CLNK: variants seen among roughly 807,000 people sequenced by gnomAD.
CLNK encodes cytokine dependent hematopoietic cell linker.
In CLNK, 74 loss-of-function variants were observed where a neutral mutation model predicts 68.6. The observed-to-expected ratio is 1.08, with a 90% CI of 0.89 to 1.31. The LOEUF (loss-of-function observed/expected upper bound fraction) is 1.31. Ranked by LOEUF, CLNK falls within the 50% of genes most tolerant of loss-of-function variation. CLNK has a pLI of 0.00. For synonymous variants in CLNK, 198 were observed against 172.2 expected (o/e 1.15, Z -1.17); for missense variants, 553 against 515.3 (o/e 1.07, Z -0.71).
intron 1 of CLNK, among the ~76,000 whole-genome samples, chr4:10,670,737 T>C (rs1724594342): frequency 6.6e-6 from 1 of 152,212 alleles, no homozygotes; most frequent in African/African-American, 2.4e-5. Context: ...CCATCAATAT[T>C]TGGTGACAAA....
At chr4:10,580,373 T>C (rs1253021487) in intron 4 of CLNK, among the ~76,000 whole-genome samples, 1 of 152,210 alleles carries the variant, frequency 6.6e-6, no homozygotes, top group African/African-American at 2.4e-5. Flanking sequence ...TCATACTTTT[T>C]ATTGTTATTT....
chr4:10,592,390 T>A lies in CLNK; in HGVS notation c.83+5588A>T, dbSNP rs564528456. ...GATGATTTGCCAGACATGTTTTAGC[T>A]CAGACATTCCTCTAGCGGGCAGAGC... On this transcript the variant is annotated intron_variant, in intron 3 of 18. Transcript: ENST00000226951. 4.6e-5 allele frequency among the ~76,000 whole-genome samples: 7 copies of A among 152,280 alleles called. No homozygotes were observed. The East Asian group carries it at 1.4e-3, about 29-fold the overall frequency.
At chr4:10,541,472 A>T (rs1168320197) in intron 10 of CLNK, among the ~76,000 whole-genome samples, 5 of 152,098 alleles carry the variant, frequency 3.3e-5, no homozygotes, top group Admixed American at 3.3e-4. Context: ...AGGTGCTCAC[A>T]GGTCCCAGAT....
chr4:10,631,656 T>C (rs764825261), intron 2 of CLNK, among the ~76,000 whole-genome samples: 64 of 152,184 alleles, frequency 4.2e-4, no homozygotes, highest in Admixed American at 2.6e-4. Flanking sequence ...CTAATATTAA[T>C]TCATTCTAGC....
intron 15 of CLNK, among the ~76,000 whole-genome samples, chr4:10,514,009 T>TC (rs1717724267): frequency 1.3e-5 from 1 of 75,976 alleles, no homozygotes; most frequent in Admixed American, 1.8e-4. Context: ...CCCTCCCCCC[T>TC]CCCCCCTCCC....
chr4:10,651,686 C>T (rs1005790254), intron 2 of CLNK, among the ~76,000 whole-genome samples: 4 of 152,034 alleles, frequency 2.6e-5, no homozygotes, highest in African/African-American at 9.7e-5. Context: ...CTGTTTGAAA[C>T]ATTAATAATA....
chr4:10,507,904 A>G, intron 17 of CLNK, 55 bp downstream of exon 17: 2 of 1,306,146 alleles, frequency 1.5e-6, no homozygotes, highest in Non-Finnish European at 2.2e-6. Flanking sequence ...ACATAAGCAG[A>G]GAACCTTAAG....
the CLNK span, among the ~76,000 whole-genome samples, chr4:10,719,402 A>G: frequency 1.3e-5 from 2 of 152,066 alleles, no homozygotes; most frequent in African/African-American, 2.4e-5. Flanking sequence ...TAATCAAAAG[A>G]AAGAGTGACT....
chr4:10,522,693 G>A (rs1233327576), intron 14 of CLNK, among the ~76,000 whole-genome samples: 1 of 152,130 alleles, frequency 6.6e-6, no homozygotes, highest in Non-Finnish European at 1.5e-5. Context: ...AAGAAGACAT[G>A]GCCTCTGCCT....
At chr4:10,497,732 A>T (rs1716870236) in intron 18 of CLNK, among the ~76,000 whole-genome samples, 1 of 152,240 alleles carries the variant, frequency 6.6e-6, no homozygotes. Context: ...CCTTGCCAGT[A>T]AATGATGTTC....
chr4:10,714,236 A>G, the CLNK span, among the ~76,000 whole-genome samples: 2 of 152,238 alleles, frequency 1.3e-5, no homozygotes, highest in Non-Finnish European at 2.9e-5. Context: ...AGTAACAAAC[A>G]TTTTACACAG....
intron 3 of CLNK, among the ~76,000 whole-genome samples, chr4:10,592,341 T>C (rs780379807): frequency 1.4e-4 from 21 of 152,182 alleles, no homozygotes; most frequent in Non-Finnish European, 2.5e-4. Context: ...TGATGGGTTC[T>C]GCAGCAGACA....
chr4:10,613,359 A>C (rs2041213), intron 2 of CLNK, among the ~76,000 whole-genome samples: 105,558 of 151,956 alleles, frequency 0.69, 37,553 homozygotes, highest in East Asian at 0.77. Flanking sequence ...GGGATAACTG[A>C]AGGAAAAGTT....
At chr4:10,491,663 G>T (rs1352393453) in intron 18 of CLNK, among the ~76,000 whole-genome samples, 1 of 152,136 alleles carries the variant, frequency 6.6e-6, no homozygotes, top group Non-Finnish European at 1.5e-5. Context: ...CTATGTTATG[G>T]GTCATTCCAG....
intron 11 of CLNK, among the ~76,000 whole-genome samples, chr4:10,538,399 G>T (rs1395288980): frequency 6.6e-6 from 1 of 152,190 alleles, no homozygotes; most frequent in East Asian, 1.9e-4. Flanking sequence ...AAAGTGTTAG[G>T]ATTAGAGGCG....
chr4:10,659,343 T>C (rs1477312476), intron 2 of CLNK, among the ~76,000 whole-genome samples: 3 of 152,358 alleles, frequency 2.0e-5, no homozygotes, highest in East Asian at 1.9e-4. Context: ...CTGTATACAT[T>C]AAGTCGCTTA....
At chr4:10,652,546 G>C (rs1560263391) in intron 2 of CLNK, among the ~76,000 whole-genome samples, 2 of 152,058 alleles carry the variant, frequency 1.3e-5, no homozygotes, top group Admixed American at 6.6e-5. Flanking sequence ...AAGCTTGCTT[G>C]GTTATTATAT....
intron 17 of CLNK, among the ~76,000 whole-genome samples, chr4:10,505,866 G>T: frequency 1.3e-5 from 2 of 152,148 alleles, no homozygotes; most frequent in South Asian, 2.1e-4. Flanking sequence ...AACATCTTTG[G>T]GGGGGCATGA....
chr4:10,716,663 A>G, the CLNK span, among the ~76,000 whole-genome samples: 3 of 149,786 alleles, frequency 2.0e-5, no homozygotes, highest in Non-Finnish European at 4.4e-5. Context: ...AATAGGAAAG[A>G]GGCAGGCTGG....
Sources: allele counts gnomAD v4.1 joint callset (sites outside exome capture counted in the v4.1 genomes callset), GRCh38; gene constraint gnomAD v4.1.1; transcripts MANE v1.5; gene names NCBI Gene and HGNC (gene_info 2026-07-23, HGNC 2026-07-21).